Variants in EPHA6 observed in about 807,000 individuals in gnomAD.
EPHA6 encodes the protein EPH receptor A6, also known as ephrin type-A receptor 6.
A neutral mutation model predicts 112.0 loss-of-function variants in EPHA6; 50 were observed. That is an observed-to-expected ratio of 0.45 (90% CI 0.36 to 0.56). The LOEUF (loss-of-function observed/expected upper bound fraction) is 0.56. EPHA6 is among the 20% of genes least tolerant of loss of function. The pLI, the probability that EPHA6 is intolerant of heterozygous loss-of-function variation, is 0.00. For synonymous variants in EPHA6, 529 were observed against 490.7 expected (o/e 1.08, Z -1.03); for missense variants, 1,280 against 1,417.4 (o/e 0.90, Z 1.56).
At chr3:97,614,274 C>T (rs909073196) in intron 13 of EPHA6, among the ~76,000 whole-genome samples, 1 of 150,950 alleles carries the variant, frequency 6.6e-6, no homozygotes, top group Non-Finnish European at 1.5e-5. Flanking sequence ...AAATATAATA[C>T]TAAATTTACT....
intron 14 of EPHA6, among the ~76,000 whole-genome samples, chr3:97,703,691 T>C (rs1018025843): frequency 1.3e-5 from 2 of 152,204 alleles, no homozygotes; most frequent in African/African-American, 4.8e-5. Flanking sequence ...TGTGCCTCAA[T>C]AATGGATGAA....
intron 1 of EPHA6, among the ~76,000 whole-genome samples, chr3:96,836,552 T>TGTA (rs1215464051): frequency 2.0e-5 from 3 of 152,184 alleles, no homozygotes; most frequent in Non-Finnish European, 2.9e-5. Flanking sequence ...TGCTGACATC[T>TGTA]GTAAACATTG....
intron 3 of EPHA6, among the ~76,000 whole-genome samples, chr3:97,098,196 A>C (rs1175373778): frequency 6.6e-6 from 1 of 151,878 alleles, no homozygotes; most frequent in Non-Finnish European, 1.5e-5. Flanking sequence ...TGTAGCTAGC[A>C]AGTGCTGGAC....
chr3:97,411,604 A>G (rs2087721388), intron 6 of EPHA6, among the ~76,000 whole-genome samples: 1 of 152,010 alleles, frequency 6.6e-6, no homozygotes, highest in South Asian at 2.1e-4. Flanking sequence ...CCCTGAATAA[A>G]CTTCATTTAC....
intron 3 of EPHA6, among the ~76,000 whole-genome samples, chr3:97,155,681 G>A (rs917533634): frequency 6.6e-6 from 1 of 152,084 alleles, no homozygotes; most frequent in African/African-American, 2.4e-5. Flanking sequence ...TGAGTTGTTG[G>A]TAGAATTACT....
chr3:97,268,214 A>G (rs936051042), intron 5 of EPHA6, among the ~76,000 whole-genome samples: 26 of 152,302 alleles, frequency 1.7e-4, no homozygotes, highest in African/African-American at 6.0e-4. Context: ...ATTAGAAAAG[A>G]AAAAGCTTTC....
intron 7 of EPHA6, among the ~76,000 whole-genome samples, chr3:97,465,593 C>T (rs1169966976): frequency 6.6e-6 from 1 of 152,014 alleles, no homozygotes; most frequent in Non-Finnish European, 1.5e-5. Context: ...GAACAGGCTT[C>T]AAACAATGAT....
At chr3:97,244,585 T>C (rs1474521186) in intron 5 of EPHA6, 4 of 381,498 alleles carry the variant, frequency 1.0e-5, no homozygotes, top group South Asian at 1.4e-4. Flanking sequence ...TACTTACCAA[T>C]AGAAGTCAGA....
At chr3:97,191,314 T>A (rs1358387548) in intron 3 of EPHA6, among the ~76,000 whole-genome samples, 1 of 152,108 alleles carries the variant, frequency 6.6e-6, no homozygotes, top group Non-Finnish European at 1.5e-5. Context: ...TTTATTTTGT[T>A]ACAAATGTTC....
intron 10 of EPHA6, among the ~76,000 whole-genome samples, chr3:97,498,020 A>C (rs1215796290): frequency 6.6e-6 from 1 of 152,082 alleles, no homozygotes; most frequent in Non-Finnish European, 1.5e-5. Context: ...TAAAACAAAC[A>C]AACAAACAAA....
At chr3:97,036,852 C>G (rs1442765251) in intron 3 of EPHA6, among the ~76,000 whole-genome samples, 1 of 151,944 alleles carries the variant, frequency 6.6e-6, no homozygotes, top group African/African-American at 2.4e-5. Flanking sequence ...ACCCATCCCT[C>G]AGTGCTGATT....
chr3:97,079,246 C>T (rs927683015), intron 3 of EPHA6, among the ~76,000 whole-genome samples: 8 of 152,122 alleles, frequency 5.3e-5, no homozygotes, highest in African/African-American at 1.9e-4. Flanking sequence ...GGTAGATATA[C>T]ACCATGGGAT....
At chr3:97,169,078 G>T (rs1450311223) in intron 3 of EPHA6, among the ~76,000 whole-genome samples, 1 of 152,074 alleles carries the variant, frequency 6.6e-6, no homozygotes, top group Non-Finnish European at 1.5e-5. Flanking sequence ...GTGTCACATT[G>T]GAGACTGTCT....
chr3:97,623,196 G>C lies in EPHA6; in HGVS notation c.2574+12342G>C, dbSNP rs566226935. On this transcript the variant is annotated intron_variant, in intron 13 of 17. Transcript: ENST00000389672. ...CATTGCCAAATCTAATGTTATGAAGGTTTTGCACTGTGTTTTCTTCTAAGA... is the reference window on the plus strand; with the variant it reads ...CATTGCCAAATCTAATGTTATGAAGCTTTTGCACTGTGTTTTCTTCTAAGA... Among the ~76,000 whole-genome samples the C allele has an allele frequency of 4.0e-5, 6 of 151,766 alleles. No individual in the cohort carries two copies. In the East Asian group the frequency reaches 7.8e-4, roughly 20 times the overall value.
intron 3 of EPHA6, among the ~76,000 whole-genome samples, chr3:97,050,996 GC>G (rs1298193586): frequency 6.6e-6 from 1 of 152,096 alleles, no homozygotes. Context: ...TTTGAATGAG[GC>G]TTCTATTGAA....
chr3:96,995,116 T>A (rs967102106), intron 3 of EPHA6, among the ~76,000 whole-genome samples: 1 of 152,058 alleles, frequency 6.6e-6, no homozygotes. Flanking sequence ...TGATTTGATC[T>A]CTTGAAGAGT....
chr3:96,869,672 T>C (rs892503218), intron 2 of EPHA6, among the ~76,000 whole-genome samples: 1 of 152,080 alleles, frequency 6.6e-6, no homozygotes, highest in Non-Finnish European at 1.5e-5. Flanking sequence ...AGTTAACTTT[T>C]AAAACCTATG....
intron 5 of EPHA6, among the ~76,000 whole-genome samples, chr3:97,329,640 C>T (rs1050308525): frequency 2.6e-5 from 4 of 152,158 alleles, no homozygotes; most frequent in African/African-American, 9.7e-5. Context: ...TGTTCATATC[C>T]TTCACCCACT....
intron 14 of EPHA6, among the ~76,000 whole-genome samples, chr3:97,643,326 A>G (rs1361604915): frequency 6.6e-6 from 1 of 152,128 alleles, no homozygotes; most frequent in Non-Finnish European, 1.5e-5. Context: ...GGTACCAGCC[A>G]CTGCAAAATC....
Sources: gnomAD v4.1 joint callset for allele counts (sites outside exome capture counted in the v4.1 genomes callset) on GRCh38, gnomAD v4.1.1 for gene constraint, MANE v1.5 for transcripts, NCBI Gene and HGNC (gene_info 2026-07-23, HGNC 2026-07-21) for gene names.